C9: variants seen among roughly 807,000 people sequenced by gnomAD.
C9 encodes the protein complement C9.
In C9, 63 loss-of-function variants were observed where a neutral mutation model predicts 65.4. The ratio of observed to expected loss-of-function variants is 0.96; its 90% CI spans 0.79 to 1.19. The LOEUF is 1.19. Ranked by LOEUF, C9 falls within the 50% of genes most tolerant of loss-of-function variation. C9 has a pLI of 0.00. For synonymous variants in C9, 229 were observed against 227.9 expected (o/e 1.00, Z -0.04); for missense variants, 744 against 670.1 (o/e 1.11, Z -1.22).
chr5:39,284,525 A>G lies in C9; in HGVS notation c.*674T>C, dbSNP rs1265920404. On this transcript the variant is annotated 3_prime_UTR_variant, in exon 11 of 11. Coordinates refer to ENST00000263408, the MANE Select transcript of C9 (RefSeq NM_001737.5). ...TAGTTTATGTTCATTCTATTCTGCT[A>G]CTGAACACTATCTATATTATTCCTT... 1 of 152,222 alleles carries G rather than the reference A, an allele frequency of 6.6e-6. No homozygotes were observed. The highest frequency in any genetic ancestry group is 1.5e-5 in the Non-Finnish European group (1 of 68,044). The allele number at this position is 152,222 out of a possible 1,614,324, so 9.4% of individuals were successfully genotyped here. A position where few individuals can be genotyped will look rare whatever the true frequency, so the allele number is the denominator to read the frequency against.
chr5:39,345,395 T>G (rs556912568), intron 1 of C9, among the ~76,000 whole-genome samples: 2 of 152,134 alleles, frequency 1.3e-5, no homozygotes, highest in South Asian at 4.2e-4. Flanking sequence ...AAAACAGACT[T>G]TAAACCAAAA....
At chr5:39,327,137 A>C (rs1753761010) in intron 5 of C9, among the ~76,000 whole-genome samples, 1 of 152,172 alleles carries the variant, frequency 6.6e-6, no homozygotes, top group African/African-American at 2.4e-5. Context: ...GATTCAGAGG[A>C]GAAAGCTGAG....
chr5:39,338,105 A>T (rs908087085), intron 4 of C9, among the ~76,000 whole-genome samples: 1 of 152,234 alleles, frequency 6.6e-6, no homozygotes, highest in African/African-American at 2.4e-5. Context: ...TACAAATATA[A>T]CAATATATGT....
intron 1 of C9, among the ~76,000 whole-genome samples, chr5:39,349,803 T>A (rs1195293015): frequency 3.3e-5 from 5 of 152,200 alleles, no homozygotes; most frequent in Admixed American, 2.0e-4. Flanking sequence ...CTTTCTTTCA[T>A]TTCTTTTTTC....
intron 9 of C9, among the ~76,000 whole-genome samples, chr5:39,300,302 C>T (rs1301720727): frequency 6.6e-6 from 1 of 152,094 alleles, no homozygotes. Flanking sequence ...ATTCCAGCTA[C>T]TTGAGAGGCT....
chr5:39,333,783 C>G (rs543587392), intron 4 of C9, among the ~76,000 whole-genome samples: 6 of 151,218 alleles, frequency 4.0e-5, no homozygotes, highest in African/African-American at 1.5e-4. Context: ...GACTGGTTTT[C>G]GTATTTTTTT....
At position 39,304,681 on chromosome 5, in the gene C9, C is replaced by T. The variant is rs74923255; in HGVS notation, c.1416+1936G>A. 9.7e-3 allele frequency among the ~76,000 whole-genome samples: 1,481 copies of T among 152,166 alleles called. 27 individuals are homozygous for T. The highest frequency in any genetic ancestry group is 0.03 in the African/African-American group (1,263 of 41,520). On this transcript the variant is annotated intron_variant, in intron 9 of 10. Coordinates refer to ENST00000263408, the MANE Select transcript of C9 (RefSeq NM_001737.5). ...AGTGAACTAACTATAGCTACCATTTCCTTAGGTAGAATGTTGATATGAAAA... is the reference window on the plus strand; with the variant it reads ...AGTGAACTAACTATAGCTACCATTTTCTTAGGTAGAATGTTGATATGAAAA...
chr5:39,333,584 G>A (rs11957617), intron 4 of C9, among the ~76,000 whole-genome samples: 1,607 of 48,628 alleles, frequency 0.033, 48 homozygotes, highest in African/African-American at 0.11. Flanking sequence ...CTCCCTCTCC[G>A]TCTCCCTCTC....
At chr5:39,322,687 T>A (rs187127222) in intron 5 of C9, among the ~76,000 whole-genome samples, 1 of 152,134 alleles carries the variant, frequency 6.6e-6, no homozygotes, top group Admixed American at 6.5e-5. Context: ...AGGTTTTGCA[T>A]CCGTGGATTC....
chr5:39,300,876 G>C (rs1360130461), intron 9 of C9, among the ~76,000 whole-genome samples: 3 of 151,832 alleles, frequency 2.0e-5, no homozygotes, highest in Non-Finnish European at 4.4e-5. Flanking sequence ...TATTTTTCTT[G>C]CTTTATTTCA....
chr5:39,288,138 T>C (rs1386831109), intron 10 of C9, among the ~76,000 whole-genome samples: 3 of 151,892 alleles, frequency 2.0e-5, no homozygotes, highest in African/African-American at 4.8e-5. Context: ...CAATATCACA[T>C]ATTTTTCATT....
At chr5:39,306,836 AAG>A in intron 8 of C9, 44 bp from the exon 9 acceptor site, 1 of 1,390,004 alleles carries the variant, frequency 7.2e-7, no homozygotes, top group East Asian at 2.3e-5. Context: ...AAGAAGTTTA[AAG>A]AGAAGCCAGT....
intron 5 of C9, 70 bp downstream of exon 5, chr5:39,331,606 G>C: frequency 3.2e-6 from 4 of 1,240,444 alleles, no homozygotes; most frequent in Admixed American, 1.7e-5. Flanking sequence ...CACATTGTTT[G>C]GTACTAAACT....
intron 1 of C9, among the ~76,000 whole-genome samples, chr5:39,360,058 T>A (rs945850867): frequency 6.6e-6 from 1 of 152,212 alleles, no homozygotes; most frequent in Non-Finnish European, 1.5e-5. Context: ...ATTTTAAATA[T>A]CTTTGGTTTG....
intron 1 of C9, among the ~76,000 whole-genome samples, chr5:39,362,141 G>A (rs755194215): frequency 1.7e-4 from 26 of 152,066 alleles, no homozygotes; most frequent in Non-Finnish European, 3.2e-4. Context: ...GTGCCTGCCC[G>A]CCAACCCTGA....
intron 1 of C9, among the ~76,000 whole-genome samples, chr5:39,359,514 G>A (rs533042431): frequency 4.0e-5 from 6 of 151,860 alleles, no homozygotes; most frequent in Admixed American, 1.3e-4. Context: ...CCACGAGACC[G>A]GATGCAAGGG....
intron 7 of C9, 113 bp downstream of exon 7, chr5:39,311,024 G>C: frequency 8.6e-7 from 1 of 1,164,304 alleles, no homozygotes; most frequent in South Asian, 1.2e-5. Context: ...TCTCAAAGGA[G>C]CAGGTTACAG....
chr5:39,322,513 T>C (rs1753680901), intron 5 of C9, among the ~76,000 whole-genome samples: 1 of 151,912 alleles, frequency 6.6e-6, no homozygotes, highest in Non-Finnish European at 1.5e-5. Flanking sequence ...ATAAAATAGG[T>C]AGTAGAAAAA....
intron 9 of C9, among the ~76,000 whole-genome samples, chr5:39,290,778 G>T (rs116125205): frequency 2.9e-3 from 436 of 151,900 alleles, no homozygotes; most frequent in African/African-American, 0.01. Flanking sequence ...CTAGGAGGTA[G>T]AGCAACACAT....
Sources: gnomAD v4.1 joint callset for allele counts (sites outside exome capture counted in the v4.1 genomes callset) on GRCh38, gnomAD v4.1.1 for gene constraint, MANE v1.5 for transcripts, NCBI Gene and HGNC (gene_info 2026-07-23, HGNC 2026-07-21) for gene names.